The following INPP4B variants were observed in gnomAD, a reference collection of about 807,000 sequenced individuals.
The protein encoded by INPP4B is inositol polyphosphate 4-phosphatase type II.
In INPP4B, 55 loss-of-function variants were observed where a neutral mutation model predicts 122.5. The observed-to-expected ratio is 0.45, with a 90% CI of 0.36 to 0.56. The LOEUF (loss-of-function observed/expected upper bound fraction) is 0.56, where lower values mean the gene tolerates loss of function less well. Among genes scored for constraint, INPP4B ranks in the 20% least tolerant of loss-of-function variants. The pLI is 0.00. For missense variants in INPP4B, 1,000 were observed against 1,097.7 expected (o/e 0.91, Z 1.26); for synonymous variants, 403 against 388.7 (o/e 1.04, Z -0.43).
intron 2 of INPP4B, among the ~76,000 whole-genome samples, chr4:142,693,734 C>T (rs116062392): frequency 0.011 from 1,710 of 152,098 alleles, 30 homozygotes; most frequent in African/African-American, 0.031. Context: ...AATGTCTTCA[C>T]GCTATGCTTT....
intron 2 of INPP4B, among the ~76,000 whole-genome samples, chr4:142,604,597 A>C (rs901241131): frequency 6.6e-6 from 1 of 152,050 alleles, no homozygotes; most frequent in Non-Finnish European, 1.5e-5. Context: ...TTGTCAAAAA[A>C]GAAATCAAGA....
intron 14 of INPP4B, among the ~76,000 whole-genome samples, chr4:142,200,566 C>T (rs1271552048): frequency 6.6e-6 from 1 of 151,216 alleles, no homozygotes; most frequent in African/African-American, 2.4e-5. Context: ...ATTTTTCATT[C>T]TTTTTATTAT....
chr4:142,060,656 T>G (rs1760163920), intron 25 of INPP4B, among the ~76,000 whole-genome samples: 1 of 152,202 alleles, frequency 6.6e-6, no homozygotes, highest in African/African-American at 2.4e-5. Flanking sequence ...ACTTAATCCG[T>G]AGGTTAAAAA....
intron 22 of INPP4B, among the ~76,000 whole-genome samples, chr4:142,111,149 G>C (rs529298407): frequency 1.3e-5 from 2 of 152,190 alleles, no homozygotes; most frequent in South Asian, 4.1e-4. Flanking sequence ...GAATATGCTA[G>C]GTACTTTTAA....
At chr4:142,163,999 C>T (rs1325932849) in intron 16 of INPP4B, among the ~76,000 whole-genome samples, 2 of 151,644 alleles carry the variant, frequency 1.3e-5, no homozygotes, top group African/African-American at 2.4e-5. Flanking sequence ...AAAGAATAAA[C>T]TCTGAACGTA....
At chr4:142,087,976 T>C (rs3775625) in intron 23 of INPP4B, among the ~76,000 whole-genome samples, 38,129 of 151,952 alleles carry the variant, frequency 0.25, 4,813 homozygotes, top group East Asian at 0.3. Context: ...AAAATAGTCA[T>C]ATAAAATATA....
chr4:142,129,841 C>G (rs1245776741), intron 18 of INPP4B, among the ~76,000 whole-genome samples: 1 of 152,064 alleles, frequency 6.6e-6, no homozygotes, highest in Non-Finnish European at 1.5e-5. Context: ...CATTGCTCCC[C>G]CCCTCCTTTT....
chr4:142,773,758 A>C (rs1773437880), intron 1 of INPP4B, among the ~76,000 whole-genome samples: 1 of 152,232 alleles, frequency 6.6e-6, no homozygotes, highest in South Asian at 2.1e-4. Context: ...ACACATAAGC[A>C]AGAAAACACT....
At chr4:142,584,576 T>C (rs1286676359) in intron 2 of INPP4B, among the ~76,000 whole-genome samples, 1 of 152,118 alleles carries the variant, frequency 6.6e-6, no homozygotes, top group Non-Finnish European at 1.5e-5. Flanking sequence ...AAACCAGGAT[T>C]TGGGGAGGAA....
chr4:142,284,410 A>G (rs1038883635), intron 9 of INPP4B, among the ~76,000 whole-genome samples: 1 of 152,174 alleles, frequency 6.6e-6, no homozygotes, highest in African/African-American at 2.4e-5. Flanking sequence ...TTTAGAAACG[A>G]AAAGGGAGTT....
chr4:142,837,967 T>C (rs909688899), intron 1 of INPP4B, among the ~76,000 whole-genome samples: 1 of 151,576 alleles, frequency 6.6e-6, no homozygotes, highest in Non-Finnish European at 1.5e-5. Context: ...CAATTGATAA[T>C]AATTCATAGG....
At chr4:142,422,581 A>T (rs193232454) in intron 5 of INPP4B, among the ~76,000 whole-genome samples, 1 of 151,946 alleles carries the variant, frequency 6.6e-6, no homozygotes, top group Admixed American at 6.6e-5. Flanking sequence ...GAGGTGGTAG[A>T]TTCACTGGAG....
chr4:142,169,914 A>T (rs977694473), intron 16 of INPP4B, among the ~76,000 whole-genome samples: 1 of 151,716 alleles, frequency 6.6e-6, no homozygotes, highest in East Asian at 1.9e-4. Flanking sequence ...ATCAATCTCA[A>T]TGGAATGGAG....
chr4:142,358,149 G>T (rs769493429), intron 7 of INPP4B, among the ~76,000 whole-genome samples: 3 of 151,868 alleles, frequency 2.0e-5, no homozygotes, highest in South Asian at 2.1e-4. Context: ...TGAACCTTTA[G>T]TTTTCTTGAA....
At chr4:142,828,314 T>C (rs72935981) in intron 1 of INPP4B, among the ~76,000 whole-genome samples, 6,945 of 152,204 alleles carry the variant, frequency 0.046, 546 homozygotes, top group African/African-American at 0.16. Flanking sequence ...CCATATAGCT[T>C]ACACAATACT....
At chr4:142,507,467 T>C (rs1270191576) in intron 2 of INPP4B, among the ~76,000 whole-genome samples, 1 of 151,970 alleles carries the variant, frequency 6.6e-6, no homozygotes, top group Non-Finnish European at 1.5e-5. Context: ...AAGATTAATA[T>C]AGATAAATAT....
intron 7 of INPP4B, among the ~76,000 whole-genome samples, chr4:142,340,370 A>G (rs1217121499): frequency 6.6e-6 from 1 of 151,658 alleles, no homozygotes; most frequent in Non-Finnish European, 1.5e-5. Context: ...TCCCCTTTTA[A>G]AAAACATGAT....
intron 12 of INPP4B, 78 bp downstream of exon 12, chr4:142,237,786 T>A (rs1164798910): frequency 1.2e-6 from 1 of 812,770 alleles, no homozygotes; most frequent in East Asian, 2.8e-5. Flanking sequence ...TTGCACAGAT[T>A]ATATATAATT....
chr4:142,658,159 G>A (rs764222350), intron 2 of INPP4B, among the ~76,000 whole-genome samples: 1 of 152,184 alleles, frequency 6.6e-6, no homozygotes, highest in Non-Finnish European at 1.5e-5. Context: ...GTTTCTAACT[G>A]TAACTCACTG....
Sources: allele counts gnomAD v4.1 joint callset (sites outside exome capture counted in the v4.1 genomes callset), GRCh38; gene constraint gnomAD v4.1.1; transcripts MANE v1.5; gene names NCBI Gene and HGNC (gene_info 2026-07-23, HGNC 2026-07-21).